Variants in MDN1 observed in about 807,000 individuals in gnomAD.
MDN1 encodes midasin AAA ATPase 1, also known as midasin.
MDN1 carries 266 observed loss-of-function variants against 669.2 expected under a neutral mutation model. That is an observed-to-expected ratio of 0.40 (90% CI 0.36 to 0.44). The LOEUF is 0.44. MDN1 is among the 20% of genes least tolerant of loss of function. The pLI is 1.00. For synonymous variants in MDN1, 2,385 were observed against 2,457.1 expected (o/e 0.97, Z 0.87); for missense variants, 5,940 against 6,754.0 (o/e 0.88, Z 4.22).
intron 91 of MDN1, 78 bp from the exon 92 acceptor site, chr6:89,656,046 T>C (rs954710334): frequency 1.6e-6 from 2 of 1,287,942 alleles, no homozygotes; most frequent in Admixed American, 2.0e-5. Context: ...TATCCATCTA[T>C]AGGGGACAGG....
chr6:89,781,165 G>A lies in MDN1; in HGVS notation c.1643+234C>T, dbSNP rs115327081. 4.9e-3 allele frequency: 2,647 copies of A among 545,572 alleles called. 48 individuals are homozygous for A. Among genetic ancestry groups the A allele is most frequent in the African/African-American group, 0.044 (2,325 of 52,816 alleles). The allele number at this position is 545,572 out of a possible 1,614,324, so 33.8% of individuals were successfully genotyped here. On this transcript the variant is annotated intron_variant, in intron 10 of 101. Transcript: ENST00000369393. Reference sequence around the variant, plus strand: ...TAAAGTTAAAAACATTACCCTAATCGAGCCTTCCCAGTCATTAATTATAAA... The same window carrying A: ...TAAAGTTAAAAACATTACCCTAATCAAGCCTTCCCAGTCATTAATTATAAA...
intron 60 of MDN1, 112 bp from the exon 61 acceptor site, chr6:89,696,104 T>G: frequency 7.2e-7 from 1 of 1,390,142 alleles, no homozygotes; most frequent in Non-Finnish European, 9.8e-7. Flanking sequence ...AGCATCAATA[T>G]GTAGAGGTGA....
intron 15 of MDN1, among the ~76,000 whole-genome samples, chr6:89,767,550 G>A (rs1319532318): frequency 6.6e-6 from 1 of 152,140 alleles, no homozygotes; most frequent in Non-Finnish European, 1.5e-5. Flanking sequence ...CTGAGGTCAG[G>A]AGTTCGAGAC....
rs1446495362 is a variant in MDN1, at chr6:89,732,549, C to A, written c.4942+8G>T. ...CCCCTTGTCCCCACCAGCTACCAGA[C>A]AACATACCTGAACCTATTCCATCTA... On this transcript the variant is annotated splice_region_variant and intron_variant, in intron 34 of 101. Transcript: ENST00000369393. 3 of 1,613,444 alleles carry A rather than the reference C, an allele frequency of 1.9e-6. No homozygotes were observed. Among genetic ancestry groups the A allele is most frequent in the South Asian group, 1.1e-5 (1 of 91,046 alleles).
chr6:89,765,981 T>C (rs1477985500), intron 15 of MDN1, among the ~76,000 whole-genome samples: 1 of 152,218 alleles, frequency 6.6e-6, no homozygotes, highest in Non-Finnish European at 1.5e-5. Flanking sequence ...TATTTCAAAG[T>C]AGACTGAGTT....
intron 10 of MDN1, among the ~76,000 whole-genome samples, chr6:89,780,714 G>A (rs545194613): frequency 2.7e-5 from 4 of 147,144 alleles, no homozygotes; most frequent in African/African-American, 7.6e-5. Flanking sequence ...GCGTGATCTC[G>A]GCTCACTGCA....
intron 82 of MDN1, 53 bp from the exon 83 acceptor site, chr6:89,671,133 G>T: frequency 6.4e-7 from 1 of 1,570,970 alleles, no homozygotes; most frequent in Non-Finnish European, 8.7e-7. Context: ...CAGGTACCAG[G>T]TTTCCATTCT....
At position 89,658,694 on chromosome 6, in the gene MDN1, C is replaced by G. The variant is rs1048435595; in HGVS notation, c.14937G>C (p.Gln4979His). Residue 4979 changes from glutamine (Q) to histidine (H), a missense_variant, in exon 89 of 102, where the codon CAG (glutamine) becomes CAC (histidine). Gln to His is a conservative substitution (Grantham distance 24, BLOSUM62 0). Coordinates refer to ENST00000369393, the MANE Select transcript of MDN1 (RefSeq NM_014611.3). The stretch of plus-strand genomic sequence containing the variant: ...TGTCTTTTTCCTCCACAGACTGCTG[C>G]TGCTCCTCAGAGTGTTCTTCAGGAT... ...AQHPEEHSEEQQQSVEEKDKE... is the reference protein window; with the variant it reads ...AQHPEEHSEEHQQSVEEKDKE... The G allele has an allele frequency of 6.2e-7, 1 of 1,614,088 alleles. No homozygotes were observed. The highest frequency in any genetic ancestry group is 8.5e-7 in the Non-Finnish European group (1 of 1,180,022).
intron 85 of MDN1, among the ~76,000 whole-genome samples, chr6:89,663,629 A>G (rs970430028): frequency 6.6e-6 from 1 of 152,186 alleles, no homozygotes; most frequent in Non-Finnish European, 1.5e-5. Context: ...GAGAATGTTC[A>G]TAAGATGTTA....
intron 8 of MDN1, 116 bp downstream of exon 8, chr6:89,787,738 C>T (rs1438980570): frequency 5.9e-6 from 4 of 677,848 alleles, no homozygotes; most frequent in South Asian, 5.8e-5. Context: ...TTATCACTTC[C>T]AACTAACCTT....
At chr6:89,663,150 A>C (rs1809927177) in intron 85 of MDN1, among the ~76,000 whole-genome samples, 183 bp from the exon 86 acceptor site, 1 of 152,206 alleles carries the variant, frequency 6.6e-6, no homozygotes, top group African/African-American at 2.4e-5. Context: ...TGTGTTTTGC[A>C]AAGTAGAGGT....
chr6:89,743,083 CAG>C, intron 31 of MDN1, 65 bp downstream of exon 31: 1 of 1,580,834 alleles, frequency 6.3e-7, no homozygotes. Context: ...AACACTGTCT[CAG>C]GGAGAAAAAA....
chr6:89,754,712 AG>A (rs139797831), intron 20 of MDN1, among the ~76,000 whole-genome samples: 17,036 of 152,290 alleles, frequency 0.11, 1,256 homozygotes, highest in Middle Eastern at 0.21. Context: ...ACCACACTTT[AG>A]AAGTCCAGAT....
chr6:89,773,173 G>T (rs1308810226), intron 13 of MDN1, among the ~76,000 whole-genome samples: 1 of 152,152 alleles, frequency 6.6e-6, no homozygotes, highest in Non-Finnish European at 1.5e-5. Flanking sequence ...ATTAAGATAA[G>T]GTCATATTGC....
chr6:89,733,123 ATT>A, intron 33 of MDN1, among the ~76,000 whole-genome samples: 1 of 152,114 alleles, frequency 6.6e-6, no homozygotes, highest in Non-Finnish European at 1.5e-5. Context: ...AAATATGCAA[ATT>A]TTGTTATATC....
chr6:89,667,928 A>G, intron 84 of MDN1, 86 bp downstream of exon 84: 2 of 1,527,448 alleles, frequency 1.3e-6, no homozygotes, highest in Non-Finnish European at 1.8e-6. Flanking sequence ...TTATTAACCT[A>G]GTAAAAACCA....
In MDN1 at chr6:89,713,141, A is replaced by G. The variant is rs1393655901; in HGVS notation, c.7218+7T>C. 6.2e-7 allele frequency: 1 copy of G among 1,609,580 alleles called. No homozygotes were observed. The highest frequency in any genetic ancestry group is 1.3e-5 in the African/African-American group (1 of 74,532). ...ACTTAGAAACATTCTGCAATACTTCATAGTACCTTCCGGTTTGCTGGTGAA... is the reference window on the plus strand; with the variant it reads ...ACTTAGAAACATTCTGCAATACTTCGTAGTACCTTCCGGTTTGCTGGTGAA... On this transcript the variant is annotated splice_region_variant and intron_variant, in intron 47 of 101. Transcript: ENST00000369393.
intron 44 of MDN1, among the ~76,000 whole-genome samples, chr6:89,716,167 T>C (rs1179169646): frequency 3.3e-5 from 5 of 152,212 alleles, no homozygotes; most frequent in African/African-American, 4.8e-5. Context: ...ATCATCTAAC[T>C]TGTAGTAGCT....
chr6:89,739,512 T>G (rs906572274), intron 32 of MDN1, among the ~76,000 whole-genome samples: 1 of 152,218 alleles, frequency 6.6e-6, no homozygotes, highest in African/African-American at 2.4e-5. Context: ...ACACTCTTAA[T>G]TGTCTTATTT....
Sources: gnomAD v4.1 joint callset for allele counts (sites outside exome capture counted in the v4.1 genomes callset) on GRCh38, gnomAD v4.1.1 for gene constraint, MANE v1.5 for transcripts, NCBI Gene and HGNC (gene_info 2026-07-23, HGNC 2026-07-21) for gene names.